Variants in ADK observed in about 807,000 individuals in gnomAD.
ADK encodes N6,N6-dimethyladenosine kinase.
A neutral mutation model predicts 44.7 loss-of-function variants in ADK; 24 were observed. That is an observed-to-expected ratio of 0.54 (90% CI 0.39 to 0.76). The LOEUF (loss-of-function observed/expected upper bound fraction) is 0.76, where lower values mean the gene tolerates loss of function less well. Among genes scored for constraint, ADK ranks in the 30% least tolerant of loss-of-function variants. ADK has a pLI of 0.00. For synonymous variants in ADK, 128 were observed against 142.6 expected, an observed-to-expected ratio of 0.90 and a Z score of 0.73; for missense variants, 321 against 425.1, an observed-to-expected ratio of 0.76 and a Z score of 2.15.
At chr10:74,364,689 TGTG>T (rs1564677914) in intron 4 of ADK, among the ~76,000 whole-genome samples, 1 of 5,248 alleles carries the variant, frequency 1.9e-4, no homozygotes, top group Non-Finnish European at 6.5e-4. Flanking sequence ...AAGGCTATGG[TGTG>T]TGTGTGTGTG....
chr10:74,410,503 A>G (rs2132946719), intron 6 of ADK, among the ~76,000 whole-genome samples: 1 of 152,050 alleles, frequency 6.6e-6, no homozygotes, highest in Middle Eastern at 3.4e-3. Context: ...TTTGGTAGAG[A>G]CCAGACCATC....
intron 4 of ADK, among the ~76,000 whole-genome samples, chr10:74,366,580 A>G (rs187829118): frequency 2.6e-5 from 4 of 152,356 alleles, no homozygotes; most frequent in African/African-American, 9.6e-5. Context: ...TACAATCAAC[A>G]TTTGTAGATA....
At chr10:74,353,483 G>A (rs1592089026) in intron 4 of ADK, among the ~76,000 whole-genome samples, 1 of 150,872 alleles carries the variant, frequency 6.6e-6, no homozygotes, top group South Asian at 2.1e-4. Flanking sequence ...TAGATGATGG[G>A]TTGATAGGTG....
intron 6 of ADK, among the ~76,000 whole-genome samples, chr10:74,521,323 G>A (rs796237188): frequency 1.4e-4 from 21 of 152,192 alleles, no homozygotes; most frequent in African/African-American, 4.8e-4. Context: ...TAACAAAATT[G>A]ACATCATACT....
intron 3 of ADK, among the ~76,000 whole-genome samples, chr10:74,308,315 T>A (rs1033647870): frequency 6.6e-6 from 1 of 152,244 alleles, no homozygotes; most frequent in African/African-American, 2.4e-5. Flanking sequence ...GAAGTGTCTT[T>A]AAATTACAAT....
At chr10:74,611,176 ACC>A (rs1279336356) in intron 9 of ADK, among the ~76,000 whole-genome samples, 6,145 of 152,020 alleles carry the variant, frequency 0.04, 391 homozygotes, top group African/African-American at 0.14. Context: ...GGTGCCTACC[ACC>A]CTGCCCAGCT....
intron 10 of ADK, among the ~76,000 whole-genome samples, chr10:74,688,865 A>T (rs1365645703): frequency 6.6e-6 from 1 of 152,212 alleles, no homozygotes; most frequent in African/African-American, 2.4e-5. Context: ...ACAATGAGCC[A>T]TAATCATGCC....
intron 7 of ADK, chr10:74,527,451 A>T (rs1268682748): frequency 1.2e-5 from 6 of 511,210 alleles, no homozygotes; most frequent in Non-Finnish European, 2.1e-5. Context: ...TGAATGCCAT[A>T]AAAAATGCTA....
At chr10:74,364,924 C>A (rs551556723) in intron 4 of ADK, among the ~76,000 whole-genome samples, 1 of 152,198 alleles carries the variant, frequency 6.6e-6, no homozygotes, top group South Asian at 2.1e-4. Context: ...TTATTCACTT[C>A]TCTTTTAGAT....
intron 6 of ADK, among the ~76,000 whole-genome samples, chr10:74,404,927 T>C (rs979637320): frequency 6.6e-6 from 1 of 152,220 alleles, no homozygotes; most frequent in East Asian, 1.9e-4. Context: ...TTTGTTTAAC[T>C]TCTTAGAGCT....
intron 1 of ADK, among the ~76,000 whole-genome samples, chr10:74,173,937 T>G (rs561396588): frequency 2.6e-5 from 4 of 151,988 alleles, no homozygotes; most frequent in Admixed American, 2.0e-4. Flanking sequence ...TTTACTATAG[T>G]TAATTAAATT....
intron 4 of ADK, among the ~76,000 whole-genome samples, chr10:74,353,209 C>G (rs1842023932): frequency 6.6e-6 from 1 of 152,102 alleles, no homozygotes; most frequent in Non-Finnish European, 1.5e-5. Context: ...ACAGAGACAC[C>G]ATGGAATACT....
At chr10:74,379,828 C>T (rs1334299440) in intron 4 of ADK, among the ~76,000 whole-genome samples, 1 of 152,006 alleles carries the variant, frequency 6.6e-6, no homozygotes, top group African/African-American at 2.4e-5. Context: ...GAGATAGAGA[C>T]CAGCCTGGGC....
intron 7 of ADK, among the ~76,000 whole-genome samples, chr10:74,584,971 C>T (rs570091908): frequency 1.3e-5 from 2 of 152,252 alleles, no homozygotes; most frequent in South Asian, 4.1e-4. Flanking sequence ...CTTGTGTTAT[C>T]AGATGAAATA....
intron 3 of ADK, among the ~76,000 whole-genome samples, chr10:74,269,192 C>T (rs1011364605): frequency 1.3e-5 from 2 of 152,190 alleles, no homozygotes; most frequent in East Asian, 1.9e-4. Flanking sequence ...TGGGTTAATG[C>T]GTGTGTAGTC....
chr10:74,501,534 C>T (rs1482236261), intron 6 of ADK, among the ~76,000 whole-genome samples: 1 of 152,018 alleles, frequency 6.6e-6, no homozygotes, highest in African/African-American at 2.4e-5. Flanking sequence ...AAAAGTGCAC[C>T]TTTGATGTGT....
chr10:74,599,455 C>A (rs913165204), intron 8 of ADK, among the ~76,000 whole-genome samples: 3 of 152,122 alleles, frequency 2.0e-5, no homozygotes, highest in African/African-American at 7.2e-5. Context: ...TTTATTTATG[C>A]CACTCAGCTA....
intron 9 of ADK, among the ~76,000 whole-genome samples, chr10:74,642,317 T>G (rs922559919): frequency 2.0e-5 from 3 of 151,734 alleles, no homozygotes; most frequent in African/African-American, 4.9e-5. Flanking sequence ...TCCTCAATTT[T>G]TTTTTCTTTT....
At chr10:74,625,347 T>C (rs1203129838) in intron 9 of ADK, among the ~76,000 whole-genome samples, 1 of 152,092 alleles carries the variant, frequency 6.6e-6, no homozygotes, top group Non-Finnish European at 1.5e-5. Context: ...ATATGATTTG[T>C]TACAAGAAAT....
Sources: allele counts gnomAD v4.1 joint callset (sites outside exome capture counted in the v4.1 genomes callset), GRCh38; gene constraint gnomAD v4.1.1; transcripts MANE v1.5; gene names NCBI Gene and HGNC (gene_info 2026-07-23, HGNC 2026-07-21).